ZC2HC1B: variants seen among roughly 807,000 people sequenced by gnomAD.
The protein encoded by ZC2HC1B is zinc finger C2HC-type containing 1B, also known as zinc finger C2HC domain-containing protein 1B.
In ZC2HC1B, 36 loss-of-function variants were observed where a neutral mutation model predicts 31.0. The observed-to-expected ratio is 1.16, with a 90% CI of 0.89 to 1.54. The LOEUF is 1.54. Among genes scored for constraint, ZC2HC1B ranks in the 40% most tolerant of loss-of-function variants. ZC2HC1B has a pLI of 0.00. For synonymous variants in ZC2HC1B, 73 were observed against 88.0 expected (o/e 0.83, Z 0.95); for missense variants, 260 against 268.6 (o/e 0.97, Z 0.22).
At chr6:143,893,100 T>G (rs1402974582) in intron 4 of ZC2HC1B, among the ~76,000 whole-genome samples, 1 of 151,998 alleles carries the variant, frequency 6.6e-6, no homozygotes, top group Non-Finnish European at 1.5e-5. Context: ...TAAAGAACTC[T>G]TAAAACTCAG....
chr6:143,937,725 A>G lies in ZC2HC1B; in HGVS notation c.*6A>G. On this transcript the variant is annotated 3_prime_UTR_variant, in exon 7 of 8. Transcript: ENST00000237275. ...AATCTTCTAAAAAAGATTAACTCCT[A>G]GAAGCCAGGTAAGAAAAAAAAATCA... 4.5e-6 allele frequency: 7 copies of G among 1,546,034 alleles called. No individual in the cohort carries two copies. The highest frequency in any genetic ancestry group is 1.2e-5 in the South Asian group (1 of 82,576).
chr6:143,883,840 A>G lies in ZC2HC1B; in HGVS notation c.29-464A>G, dbSNP rs1390616526. 2.0e-5 allele frequency among the ~76,000 whole-genome samples: 3 copies of G among 152,196 alleles called. No individual in the cohort carries two copies. Among genetic ancestry groups the G allele is most frequent in the Admixed American group, 1.3e-4 (2 of 15,268 alleles). ...AATTCTTGCTTGGCCCATGCATTCA[A>G]CCAATACCTTGAGTACCTTACTATG... On this transcript the variant is annotated intron_variant, in intron 1 of 7. Transcript: ENST00000237275. The surrounding 1 kb of genome is among the most constrained non-coding windows in gnomAD (Gnocchi z 4.1).
At chr6:143,880,733 T>C (rs1346958671) in intron 1 of ZC2HC1B, among the ~76,000 whole-genome samples, 1 of 152,030 alleles carries the variant, frequency 6.6e-6, no homozygotes, top group Non-Finnish European at 1.5e-5. Flanking sequence ...TGTGTTCCTA[T>C]AAAACTTTAT....
rs780108269 is a variant in ZC2HC1B at position 143,868,686 on chromosome 6, A to G, written c.28+4119A>G. Among the ~76,000 whole-genome samples, 1 of 152,186 alleles carries G rather than the reference A, an allele frequency of 6.6e-6. No homozygotes were observed. The highest frequency in any genetic ancestry group is 6.5e-5 in the Admixed American group (1 of 15,276). ...AACCATCACAAGTCTACCTCTTGTC[A>G]ACTTCAACCCATACCCATCTCCTGA... On this transcript the variant is annotated intron_variant, in intron 1 of 7. Transcript: ENST00000237275. This position sits in a 1 kb window ranked among gnomAD's most constrained non-coding sequence, Gnocchi z 4.2.
At position 143,923,844 on chromosome 6, in the gene ZC2HC1B, AC is replaced by A. The variant is rs1321433294; in HGVS notation, c.599-13804del. 6.6e-6 allele frequency among the ~76,000 whole-genome samples: 1 copy of A among 151,716 alleles called. No individual in the cohort carries two copies. ...ATACCAATATCTTGCTGTTTTAGTTACTACAGCTTTTTAATATATTTTGAAA... is the reference window on the plus strand; with the variant it reads ...ATACCAATATCTTGCTGTTTTAGTTATACAGCTTTTTAATATATTTTGAAA... On this transcript the variant is annotated intron_variant, in intron 6 of 7. Coordinates refer to ENST00000237275, the MANE Select transcript of ZC2HC1B (RefSeq NM_001013623.3). This position sits in a 1 kb window ranked among gnomAD's most constrained non-coding sequence, Gnocchi z 4.8.
At position 143,917,735 on chromosome 6, in the gene ZC2HC1B, T is replaced by A. The variant is rs187827567; in HGVS notation, c.598+14583T>A. On this transcript the variant is annotated intron_variant, in intron 6 of 7. Coordinates refer to ENST00000237275, the MANE Select transcript of ZC2HC1B (RefSeq NM_001013623.3). The surrounding 1 kb of genome is among the most constrained non-coding windows in gnomAD (Gnocchi z 4.1). ...AGTATAATGCAAATATTCCAAAATT[T>A]AAAAAAAAATCTGCAACACTTTGGT... Among the ~76,000 whole-genome samples, 1,115 of 151,822 alleles carry A rather than the reference T, an allele frequency of 7.3e-3. 11 individuals are homozygous for A. The highest frequency in any genetic ancestry group is 0.024 in the African/African-American group (994 of 41,430).
intron 4 of ZC2HC1B, among the ~76,000 whole-genome samples, chr6:143,896,639 C>G (rs1383659550): frequency 6.6e-6 from 1 of 152,180 alleles, no homozygotes; most frequent in Non-Finnish European, 1.5e-5. Flanking sequence ...CCCACTGTGC[C>G]AGGCCCTTAT....
chr6:143,903,212 G>T lies in ZC2HC1B; in HGVS notation c.598+60G>T. ...TGGGGGTCAGAGGAGATCACTGTTGGGTTTGGGATTCACTGGTAGTCTGCA... is the reference window on the plus strand; with the variant it reads ...TGGGGGTCAGAGGAGATCACTGTTGTGTTTGGGATTCACTGGTAGTCTGCA... On this transcript the variant is annotated intron_variant, in intron 6 of 7. Transcript: ENST00000237275. The surrounding 1 kb of genome is among the most constrained non-coding windows in gnomAD (Gnocchi z 4.3). The T allele has an allele frequency of 6.9e-7, 1 of 1,449,540 alleles. No homozygotes were observed. The highest frequency in any genetic ancestry group is 9.5e-7 in the Non-Finnish European group (1 of 1,054,660). The allele number at this position is 1,449,540 out of a possible 1,614,324, so 89.8% of individuals were successfully genotyped here.
rs796775655 is a variant in ZC2HC1B at position 143,868,346 on chromosome 6, C to A, written c.28+3779C>A. On this transcript the variant is annotated intron_variant, in intron 1 of 7. Transcript: ENST00000237275. This position sits in a 1 kb window ranked among gnomAD's most constrained non-coding sequence, Gnocchi z 4.2. ...AATAGGCCGTCTGCAAGCTGAGGAGCAAGGACAACCAGTACAGTGCCAAAA... is the reference window on the plus strand; with the variant it reads ...AATAGGCCGTCTGCAAGCTGAGGAGAAAGGACAACCAGTACAGTGCCAAAA... Among the ~76,000 whole-genome samples the A allele has an allele frequency of 4.6e-5, 7 of 152,328 alleles. No individual in the cohort carries two copies. The highest frequency in any genetic ancestry group is 7.3e-5 in the Non-Finnish European group (5 of 68,036).
intron 6 of ZC2HC1B, among the ~76,000 whole-genome samples, chr6:143,904,234 T>A (rs1173717106): frequency 6.6e-6 from 1 of 152,252 alleles, no homozygotes; most frequent in Non-Finnish European, 1.5e-5. Context: ...ATTGGTTGTT[T>A]TTGTTGTTGA....
rs1777827551 is a variant in ZC2HC1B at position 143,908,921 on chromosome 6, T to G, written c.598+5769T>G. Among the ~76,000 whole-genome samples, 1 of 152,188 alleles carries G rather than the reference T, an allele frequency of 6.6e-6. No homozygotes were observed. The highest frequency in any genetic ancestry group is 2.1e-4 in the South Asian group (1 of 4,830). ...TGATATTGGCTGTGGGTTTGTCATA[T>G]GTGACACTTATTATTTTGAAGTGTG... On this transcript the variant is annotated intron_variant, in intron 6 of 7. Coordinates refer to ENST00000237275, the MANE Select transcript of ZC2HC1B (RefSeq NM_001013623.3). This position sits in a 1 kb window ranked among gnomAD's most constrained non-coding sequence, Gnocchi z 4.4.
At position 143,889,263 on chromosome 6, in the gene ZC2HC1B, CA is replaced by C. The variant is rs550298554; in HGVS notation, c.349+2449del. ...ATACATGGAGTAGAGATAAAAAATGCAAAAAAATTCAATCCAAAGGGGGAAA... is the reference window on the plus strand; with the variant it reads ...ATACATGGAGTAGAGATAAAAAATGCAAAAAATTCAATCCAAAGGGGGAAA... On this transcript the variant is annotated intron_variant, in intron 4 of 7. Transcript: ENST00000237275. Among the ~76,000 whole-genome samples the C allele has an allele frequency of 1.4e-3, 219 of 151,448 alleles. 2 individuals carry two copies. Among genetic ancestry groups the C allele is most frequent in the Admixed American group, 0.012 (182 of 15,220 alleles).
chr6:143,900,039 T>A (rs1165905217), intron 5 of ZC2HC1B, among the ~76,000 whole-genome samples: 1 of 152,126 alleles, frequency 6.6e-6, no homozygotes, highest in Non-Finnish European at 1.5e-5. Flanking sequence ...GCACAAAACA[T>A]CCAGCTTGTG....
chr6:143,878,244 A>G (rs1322683261), intron 1 of ZC2HC1B, among the ~76,000 whole-genome samples: 1 of 150,856 alleles, frequency 6.6e-6, no homozygotes, highest in Non-Finnish European at 1.5e-5. Context: ...AATGTACTCA[A>G]GTTCCTTCCA....
chr6:143,882,395 C>G (rs889551205), intron 1 of ZC2HC1B, among the ~76,000 whole-genome samples: 6 of 122,614 alleles, frequency 4.9e-5, no homozygotes, highest in Non-Finnish European at 9.8e-5. Context: ...CAAACTGCAC[C>G]AAAAGAACAG....
chr6:143,934,826 G>A lies in ZC2HC1B; in HGVS notation c.599-2823G>A, dbSNP rs1312279043. Among the ~76,000 whole-genome samples the A allele has an allele frequency of 6.6e-6, 1 of 152,174 alleles. No homozygotes were observed. Among genetic ancestry groups the A allele is most frequent in the Non-Finnish European group, 1.5e-5 (1 of 68,038 alleles). On this transcript the variant is annotated intron_variant, in intron 6 of 7. Transcript: ENST00000237275. This position sits in a 1 kb window ranked among gnomAD's most constrained non-coding sequence, Gnocchi z 4.6. ...GGTGAGCTGGTCTTCAGGCCTCAGT[G>A]GTGGCAGCAGTAGACTGAGCCTGCC...
At chr6:143,932,717 G>A (rs562301835) in intron 6 of ZC2HC1B, among the ~76,000 whole-genome samples, 1 of 152,226 alleles carries the variant, frequency 6.6e-6, no homozygotes, top group East Asian at 1.9e-4. Flanking sequence ...GGTCTTTTGG[G>A]GGTGTTATAG....
chr6:143,884,204 G>A lies in ZC2HC1B; in HGVS notation c.29-100G>A. 2 of 1,040,462 alleles carry A rather than the reference G, an allele frequency of 1.9e-6. No homozygotes were observed. Among genetic ancestry groups the A allele is most frequent in the East Asian group, 2.8e-5 (1 of 35,738 alleles). 64.5% of individuals were successfully genotyped at this position (1,040,462 alleles called of 1,614,324 possible). On this transcript the variant is annotated intron_variant, in intron 1 of 7. Coordinates refer to ENST00000237275, the MANE Select transcript of ZC2HC1B (RefSeq NM_001013623.3). This position sits in a 1 kb window ranked among gnomAD's most constrained non-coding sequence, Gnocchi z 5.1. ...GCAGTTGGTGGGGAGGGAAAAGAGA[G>A]TGAGGATATCAAGCTATTGAGGTCA...
Position 143,898,562 on chromosome 6 carries a change from A to G in ZC2HC1B, c.360A>G (p.Gln120=). Residue 120 remains glutamine, a synonymous_variant, in exon 5 of 8, where the codon CAA becomes CAG. Coordinates refer to ENST00000237275, the MANE Select transcript of ZC2HC1B (RefSeq NM_001013623.3). ...TATCTTTACATTCAGATTATATTCA[A>G]CGTCCATATTGTATGAGAAGGTTTA... The part of the protein sequence containing the change: ...PPPSLNPDYI[Q]RPYCMRRFNE... 6.4e-7 allele frequency: 1 copy of G among 1,551,684 alleles called. No homozygotes were observed. The highest frequency in any genetic ancestry group is 8.7e-7 in the Non-Finnish European group (1 of 1,146,946).
Sources: gnomAD v4.1 joint callset for allele counts (sites outside exome capture counted in the v4.1 genomes callset) on GRCh38, gnomAD v4.1.1 for gene constraint, Gnocchi (gnomAD v3.1) non-coding constraint, MANE v1.5 for transcripts, NCBI Gene and HGNC (gene_info 2026-07-23, HGNC 2026-07-21) for gene names.